Variants in UVSSA observed in about 807,000 individuals in gnomAD.
UVSSA encodes UV-stimulated scaffold protein A.
UVSSA carries 72 observed loss-of-function variants against 73.9 expected under a neutral mutation model. The ratio of observed to expected loss-of-function variants is 0.97; its 90% CI spans 0.81 to 1.19. UVSSA has a LOEUF of 1.19. UVSSA is among the 50% of genes most tolerant of loss of function. The pLI, the probability that UVSSA is intolerant of heterozygous loss-of-function variation, is 0.00. For synonymous variants in UVSSA, 454 were observed against 391.3 expected, an observed-to-expected ratio of 1.16 and a Z score of -1.89; for missense variants, 1,150 against 965.0, an observed-to-expected ratio of 1.19 and a Z score of -2.54.
chr4:1,380,001 C>G (rs748643280), intron 10 of UVSSA, 46 bp from the exon 11 acceptor site: 2 of 1,548,976 alleles, frequency 1.3e-6, no homozygotes, highest in Non-Finnish European at 1.7e-6. Flanking sequence ...CCACGCTCTT[C>G]TGGGGTCCCT....
At chr4:1,362,127 C>T (rs1285413435) in intron 7 of UVSSA, among the ~76,000 whole-genome samples, 2 of 152,186 alleles carry the variant, frequency 1.3e-5, no homozygotes, top group Admixed American at 1.3e-4. Flanking sequence ...CATTTTATTG[C>T]TTGTTTAATT....
intron 12 of UVSSA, among the ~76,000 whole-genome samples, chr4:1,382,787 C>T (rs978738252): frequency 6.6e-6 from 1 of 152,236 alleles, no homozygotes; most frequent in Non-Finnish European, 1.5e-5. Flanking sequence ...GGGCATTCCT[C>T]CGGGGATGTG....
At chr4:1,360,190 T>G (rs983450061) in intron 7 of UVSSA, among the ~76,000 whole-genome samples, 2 of 151,986 alleles carry the variant, frequency 1.3e-5, no homozygotes, top group African/African-American at 4.8e-5. Flanking sequence ...GGGGGCGGGG[T>G]GCAGATACAC....
intron 7 of UVSSA, chr4:1,359,228 T>A (rs1306216291): frequency 6.6e-6 from 1 of 152,116 alleles, no homozygotes; most frequent in African/African-American, 2.4e-5. Flanking sequence ...CAACGCTGGT[T>A]TGAATATGTG....
intron 3 of UVSSA, among the ~76,000 whole-genome samples, chr4:1,350,132 C>T (rs1380921027): frequency 6.6e-6 from 1 of 152,236 alleles, no homozygotes; most frequent in East Asian, 1.9e-4. Flanking sequence ...TTTTTATGTG[C>T]GTGTAGGAGA....
At chr4:1,361,878 G>C (rs202091283) in intron 7 of UVSSA, among the ~76,000 whole-genome samples, 3 of 150,844 alleles carry the variant, frequency 2.0e-5, no homozygotes, top group East Asian at 3.9e-4. Flanking sequence ...TTATAAAAAG[G>C]GAAACAGACA....
chr4:1,393,981 G>A (rs769717478), exon 14 of UVSSA: 6 of 199,376 alleles, frequency 3.0e-5, no homozygotes, highest in East Asian at 1.2e-4. Flanking sequence ...CTGCCGACAC[G>A]CAGTTGATGC....
At chr4:1,351,158 C>T (rs192643935) in intron 3 of UVSSA, among the ~76,000 whole-genome samples, 113 of 152,054 alleles carry the variant, frequency 7.4e-4, no homozygotes, top group Middle Eastern at 3.4e-3. Context: ...CTCCACCTCC[C>T]GGGTTCACGC....
At chr4:1,370,946 C>G (rs1278096038) in intron 8 of UVSSA, among the ~76,000 whole-genome samples, 1 of 152,206 alleles carries the variant, frequency 6.6e-6, no homozygotes, top group African/African-American at 2.4e-5. Context: ...TTGTCCTTAC[C>G]CACTTCCCTC....
In UVSSA at chr4:1,351,676, A is replaced by G. The variant is rs549503153; in HGVS notation, c.430-39A>G. 16 of 1,605,116 alleles carry G rather than the reference A, an allele frequency of 1.0e-5. No homozygotes were observed. The South Asian group carries it at 1.6e-4, about 17-fold the overall frequency. ...AGTGCTGGGATTACAGGCGTGAGCC[A>G]CCGCGCCTGTCCCCTAGTCTTTATT... On this transcript the variant is annotated intron_variant, in intron 3 of 13. Transcript: ENST00000389851.
intron 13 of UVSSA, chr4:1,385,478 G>T: frequency 3.8e-6 from 1 of 265,908 alleles, no homozygotes; most frequent in Non-Finnish European, 7.5e-6. Flanking sequence ...GTGCAGCAGC[G>T]GGCAGGGCTG....
intron 7 of UVSSA, among the ~76,000 whole-genome samples, chr4:1,361,015 C>A (rs1463000762): frequency 6.6e-6 from 1 of 152,230 alleles, no homozygotes; most frequent in Non-Finnish European, 1.5e-5. Flanking sequence ...GCCGCCCTGG[C>A]CCAGCTCCAT....
In UVSSA at chr4:1,349,823, T is replaced by C; in HGVS notation, c.398T>C (p.Leu133Ser). The change falls in exon 3 of 14, where the codon TTG (leucine) becomes TCG (serine). Residue 133 changes from leucine to serine, a missense_variant. By Grantham distance (145) the Leu-to-Ser change is moderately radical. Transcript: ENST00000389851. ...GGGGAGGCCTACAAGAAGCTTGCCT[T>C]GGGCTACCACTTCTTAAGACACAAC... is the stretch of plus-strand genomic sequence containing the variant. ...KFGEAYKKLALGYHFLRHNKK... is the reference protein window; with the variant it reads ...KFGEAYKKLASGYHFLRHNKK... The C allele has an allele frequency of 6.3e-7, 1 of 1,579,196 alleles. No homozygotes were observed. The highest frequency in any genetic ancestry group is 8.6e-7 in the Non-Finnish European group (1 of 1,162,354).
chr4:1,382,908 G>C (rs1719673235), intron 12 of UVSSA, among the ~76,000 whole-genome samples: 1 of 152,224 alleles, frequency 6.6e-6, no homozygotes, highest in African/African-American at 2.4e-5. Flanking sequence ...CCTTCTGTGA[G>C]CCAGGGTTGT....
At chr4:1,378,515 C>A (rs531547253) in intron 10 of UVSSA, among the ~76,000 whole-genome samples, 1 of 152,204 alleles carries the variant, frequency 6.6e-6, no homozygotes. Context: ...CGCACCATCA[C>A]ACTCCAGCCT....
At position 1,383,856 on chromosome 4, in the gene UVSSA, A is replaced by G. The variant is rs745908594; in HGVS notation, c.1952A>G (p.Lys651Arg). The stretch of plus-strand genomic sequence containing the variant: ...AGGTACAGCGGGAAAGGCAGGGGGA[A>G]GAAGAGGAGGTACCCCAGCCTCACC... ...SSRYSGKGRG[K>R]KRRYPSLTNL... Residue 651 changes from lysine to arginine, a missense_variant, in exon 13 of 14, where the codon AAG becomes AGG. Lys to Arg is a conservative substitution (Grantham distance 26). Transcript: ENST00000389851. 6.2e-6 allele frequency: 10 copies of G among 1,613,470 alleles called. No individual in the cohort carries two copies. Among genetic ancestry groups the G allele is most frequent in the Non-Finnish European group, 6.8e-6 (8 of 1,179,976 alleles).
Position 1,368,140 on chromosome 4 carries a change from C to T in UVSSA, c.1288+1709C>T, listed in dbSNP as rs979547347. On this transcript the variant is annotated intron_variant, in intron 8 of 13. Coordinates refer to ENST00000389851, the MANE Select transcript of UVSSA (RefSeq NM_020894.4). ...CGCAGGCCTGTCCTGACCTGGCCTGCTGGGCTGCCTCATCTCCCGGACCCC... is the reference window on the plus strand; with the variant it reads ...CGCAGGCCTGTCCTGACCTGGCCTGTTGGGCTGCCTCATCTCCCGGACCCC... Among the ~76,000 whole-genome samples, 4 of 152,358 alleles carry T rather than the reference C, an allele frequency of 2.6e-5. No individual in the cohort carries two copies. In the East Asian group the frequency reaches 7.7e-4, roughly 29 times the overall value.
intron 5 of UVSSA, among the ~76,000 whole-genome samples, chr4:1,353,678 C>G (rs898231492): frequency 1.3e-5 from 2 of 152,166 alleles, no homozygotes; most frequent in Non-Finnish European, 2.9e-5. Context: ...AGAGTAAGGA[C>G]CCACAGGATT....
intron 7 of UVSSA, 30 bp from the exon 8 acceptor site, chr4:1,366,290 G>A (rs1013300260): frequency 3.2e-6 from 5 of 1,561,632 alleles, no homozygotes; most frequent in African/African-American, 1.4e-5. Flanking sequence ...GGGTCTGGGG[G>A]TTGATTTGTA....
Sources: allele counts gnomAD v4.1 joint callset (sites outside exome capture counted in the v4.1 genomes callset), GRCh38; gene constraint gnomAD v4.1.1; transcripts MANE v1.5; gene names NCBI Gene and HGNC (gene_info 2026-07-23, HGNC 2026-07-21).